The following SEMA6D variants were observed in gnomAD, a reference collection of about 807,000 sequenced individuals.
SEMA6D encodes the protein semaphorin 6D, also known as semaphorin-6D.
A neutral mutation model predicts 106.6 loss-of-function variants in SEMA6D; 35 were observed. The ratio of observed to expected loss-of-function variants is 0.33; its 90% CI spans 0.25 to 0.44. The LOEUF is 0.44. Among genes scored for constraint, SEMA6D ranks in the 20% least tolerant of loss-of-function variants. SEMA6D has a pLI of 1.00. For synonymous variants in SEMA6D, 499 were observed against 487.7 expected, an observed-to-expected ratio of 1.02 and a Z score of -0.31; for missense variants, 1,185 against 1,345.9, an observed-to-expected ratio of 0.88 and a Z score of 1.87.
At chr15:47,227,359 G>T (rs1595772069) in intron 1 of SEMA6D, among the ~76,000 whole-genome samples, 1 of 150,896 alleles carries the variant, frequency 6.6e-6, no homozygotes, top group Non-Finnish European at 1.5e-5. Flanking sequence ...GATTTGTGAT[G>T]TGTCTCTTCC....
chr15:47,679,591 GTTTGTT>G (rs1164363187), intron 4 of SEMA6D, among the ~76,000 whole-genome samples: 15 of 124,612 alleles, frequency 1.2e-4, no homozygotes, highest in Admixed American at 2.3e-4. Flanking sequence ...CCCTTTTTTT[GTTTGTT>G]TTTGTTTTGT....
At chr15:47,313,201 A>G (rs1339738862) in intron 1 of SEMA6D, among the ~76,000 whole-genome samples, 1 of 152,328 alleles carries the variant, frequency 6.6e-6, no homozygotes, top group East Asian at 1.9e-4. Flanking sequence ...GGAGAAATGT[A>G]TATGGGCATT....
intron 3 of SEMA6D, among the ~76,000 whole-genome samples, chr15:47,547,930 C>A (rs1007884618): frequency 2.6e-5 from 4 of 152,098 alleles, no homozygotes; most frequent in Admixed American, 2.6e-4. Flanking sequence ...AAGTTTAGTC[C>A]AGGAAGAGAA....
chr15:47,444,137 C>A (rs2041961300), intron 2 of SEMA6D, among the ~76,000 whole-genome samples: 1 of 152,104 alleles, frequency 6.6e-6, no homozygotes. Flanking sequence ...TTACCATCTG[C>A]AGGACACTGT....
At chr15:47,417,413 ATGTG>A (rs34541759) in intron 2 of SEMA6D, among the ~76,000 whole-genome samples, 108 of 146,538 alleles carry the variant, frequency 7.4e-4, no homozygotes, top group East Asian at 3.6e-3. Context: ...GTGTGTGTAT[ATGTG>A]TGTGTGTGTG....
intron 3 of SEMA6D, among the ~76,000 whole-genome samples, chr15:47,555,202 C>T (rs77076689): frequency 2.0e-5 from 3 of 152,192 alleles, no homozygotes; most frequent in East Asian, 1.9e-4. Context: ...AGATATTTTG[C>T]AGAGCCCAGA....
intron 1 of SEMA6D, among the ~76,000 whole-genome samples, chr15:47,757,828 AG>A (rs2081840356): frequency 6.6e-6 from 1 of 152,180 alleles, no homozygotes; most frequent in Admixed American, 6.5e-5. Flanking sequence ...AGGATTCTCC[AG>A]TAGGAAATGG....
intron 4 of SEMA6D, among the ~76,000 whole-genome samples, chr15:47,682,250 C>T (rs538985995): frequency 2.0e-5 from 3 of 151,790 alleles, no homozygotes; most frequent in East Asian, 1.9e-4. Flanking sequence ...TCACTGCAAG[C>T]TCCGCCTCCC....
chr15:47,597,040 G>T (rs1335917005), intron 3 of SEMA6D, among the ~76,000 whole-genome samples: 1 of 152,006 alleles, frequency 6.6e-6, no homozygotes, highest in Non-Finnish European at 1.5e-5. Context: ...CTGATAAGGG[G>T]TTAATATCCA....
At chr15:47,226,554 A>G (rs556508753) in intron 1 of SEMA6D, among the ~76,000 whole-genome samples, 1 of 152,164 alleles carries the variant, frequency 6.6e-6, no homozygotes, top group African/African-American at 2.4e-5. Flanking sequence ...TTAAATTTCT[A>G]ATTCTATCAA....
intron 1 of SEMA6D, among the ~76,000 whole-genome samples, chr15:47,359,125 G>A (rs77557555): frequency 0.03 from 4,603 of 152,096 alleles, 254 homozygotes; most frequent in African/African-American, 0.11. Context: ...ATGCCTTATA[G>A]TACCCAGCAC....
At chr15:47,539,539 C>T (rs2045289898) in intron 3 of SEMA6D, among the ~76,000 whole-genome samples, 1 of 152,154 alleles carries the variant, frequency 6.6e-6, no homozygotes, top group Non-Finnish European at 1.5e-5. Context: ...ATTCTCCTGC[C>T]TCATTCTCCT....
chr15:47,377,093 C>A (rs975258472), intron 1 of SEMA6D, among the ~76,000 whole-genome samples: 5 of 152,144 alleles, frequency 3.3e-5, no homozygotes, highest in Non-Finnish European at 7.4e-5. Flanking sequence ...TGTCTCAGGG[C>A]AGAATACAAT....
intron 1 of SEMA6D, among the ~76,000 whole-genome samples, chr15:47,271,119 T>C (rs572571107): frequency 6.6e-6 from 1 of 152,318 alleles, no homozygotes; most frequent in South Asian, 2.1e-4. Flanking sequence ...ATTGTATTAT[T>C]TCATGGTTTT....
At chr15:47,459,470 T>A (rs537829604) in intron 2 of SEMA6D, among the ~76,000 whole-genome samples, 10 of 152,162 alleles carry the variant, frequency 6.6e-5, no homozygotes, top group Non-Finnish European at 1.2e-4. Flanking sequence ...GATTATTGAA[T>A]GCAGGATCAT....
chr15:47,756,430 C>T (rs564481482), intron 1 of SEMA6D, among the ~76,000 whole-genome samples: 3 of 152,114 alleles, frequency 2.0e-5, no homozygotes, highest in Non-Finnish European at 4.4e-5. Flanking sequence ...GCGGAGCAGG[C>T]TCTGTGTTAG....
At chr15:47,499,590 G>A (rs752141312) in intron 3 of SEMA6D, among the ~76,000 whole-genome samples, 7 of 151,958 alleles carry the variant, frequency 4.6e-5, no homozygotes, top group Non-Finnish European at 1.0e-4. Context: ...CAGACTTAAG[G>A]TAATTCTAAT....
chr15:47,344,210 T>G (rs2037948355), intron 1 of SEMA6D, among the ~76,000 whole-genome samples: 1 of 152,182 alleles, frequency 6.6e-6, no homozygotes, highest in African/African-American at 2.4e-5. Context: ...TTAAAATTAT[T>G]TTAAAAGGAA....
intron 1 of SEMA6D, among the ~76,000 whole-genome samples, chr15:47,757,382 A>G (rs1262659529): frequency 6.6e-6 from 1 of 152,220 alleles, no homozygotes; most frequent in African/African-American, 2.4e-5. Context: ...CTGGTGTCAA[A>G]GCAGGATCTA....
Sources: allele counts gnomAD v4.1 joint callset (sites outside exome capture counted in the v4.1 genomes callset), GRCh38; gene constraint gnomAD v4.1.1; transcripts MANE v1.5; gene names NCBI Gene and HGNC (gene_info 2026-07-23, HGNC 2026-07-21).